Variants in AMOT observed in about 807,000 individuals in gnomAD.
The protein encoded by AMOT is angiomotin.
A neutral mutation model predicts 67.0 loss-of-function variants in AMOT; 11 were observed. The observed-to-expected ratio is 0.16, with a 90% CI of 0.10 to 0.27. The LOEUF is 0.27. Ranked by LOEUF, AMOT falls within the 10% of genes least tolerant of loss-of-function variation. AMOT has a pLI of 1.00. For missense variants in AMOT, 753 were observed against 852.0 expected (o/e 0.88, Z 1.45); for synonymous variants, 326 against 321.4 (o/e 1.01, Z -0.15).
intron 11 of AMOT, 102 bp downstream of exon 11, chrX:112,782,438 G>A: frequency 9.2e-7 from 1 of 1,088,790 alleles, no homozygotes; most frequent in Non-Finnish European, 1.3e-6. Context: ...TGATGGTGGA[G>A]CGGGGAGGCT....
intron 8 of AMOT, among the ~76,000 whole-genome samples, chrX:112,796,937 A>G (rs1180493096): frequency 8.9e-6 from 1 of 111,958 alleles, no homozygotes; most frequent in East Asian, 2.8e-4. Flanking sequence ...CACCGCCACT[A>G]AAGAGTTATC....
chrX:112,823,606 A>G (rs1018567882), intron 3 of AMOT, among the ~76,000 whole-genome samples: 2 of 111,811 alleles, frequency 1.8e-5, no homozygotes, highest in African/African-American at 3.3e-5. Context: ...TTACCCCATA[A>G]CAGGATTTGT....
At position 112,815,584 on chromosome X, in the gene AMOT, T is replaced by C; in HGVS notation, c.1166A>G (p.His389Arg). ...CTGCTGCTGCTGTTGTTGGTGGTGA[T>C]GGTGATGATGGTGCTGCTGCTGCTG... Reference protein sequence around the residue: ...QQQQQQHHHHHHHQQQQQQQP... With the variant: ...QQQQQQHHHHRHHQQQQQQQP... The change falls in exon 5 of 14, where the codon CAT becomes CGT. Residue 389 changes from histidine to arginine, a missense_variant. Coordinates refer to ENST00000371959, the MANE Select transcript of AMOT (RefSeq NM_001113490.2). 2 of 1,209,527 alleles carry C rather than the reference T, an allele frequency of 1.7e-6. No homozygotes were observed. The highest frequency in any genetic ancestry group is 3.5e-5 in the South Asian group (2 of 56,801).
intron 10 of AMOT, among the ~76,000 whole-genome samples, chrX:112,789,855 TTTTCTC>T (rs372068541): frequency 3.7e-5 from 4 of 109,388 alleles, no homozygotes; most frequent in Non-Finnish European, 5.7e-5. Flanking sequence ...TGTTGTTTCT[TTTTCTC>T]TTTCTCTTTC....
At chrX:112,834,619 A>C (rs1322659723) in intron 1 of AMOT, among the ~76,000 whole-genome samples, 1 of 112,587 alleles carries the variant, frequency 8.9e-6, no homozygotes, top group Non-Finnish European at 1.9e-5. Context: ...GCAAGCATAA[A>C]TATTCCATCA....
In AMOT at chrX:112,782,613, G is replaced by A. The variant is rs1360114441; in HGVS notation, c.2167C>T (p.Leu723=). 1 of 1,209,915 alleles carries A rather than the reference G, an allele frequency of 8.3e-7. No individual in the cohort carries two copies. Among genetic ancestry groups the A allele is most frequent in the Non-Finnish European group, 1.1e-6 (1 of 895,085 alleles). Residue 723 remains leucine (L), a synonymous_variant, in exon 11 of 14, where the codon CTA becomes TTA. Coordinates refer to ENST00000371959, the MANE Select transcript of AMOT (RefSeq NM_001113490.2). ...HSPNTSYDTA[L]EARIQKEEEE... ...TCCTCTTTCTGGATGCGAGCTTCTA[G>A]AGCTGTGTCATAGCTGGTGTTAGGA...
At position 112,822,415 on chromosome X, in the gene AMOT, G is replaced by A; in HGVS notation, c.712C>T (p.Pro238Ser). The A allele has an allele frequency of 8.6e-7, 1 of 1,167,778 alleles. No individual in the cohort carries two copies. The highest frequency in any genetic ancestry group is 1.1e-6 in the Non-Finnish European group (1 of 873,068). ...HSLKGMEHRG[P>S]PPEYPFKGMP... ...CCCTTGAAGGGATATTCTGGTGGGG[G>A]GCCTCGGTGTTCCATGCCCTTCAGG... Residue 238 changes from proline to serine, a missense_variant, in exon 4 of 14, where the codon CCC becomes TCC. By Grantham distance (74) the Pro-to-Ser change is moderately conservative (BLOSUM62 -1). Around this residue, in one of 5 missense-constraint regions of AMOT, gnomAD observed 297 missense variants for 284.3 expected, o/e 1.04. Coordinates refer to ENST00000371959, the MANE Select transcript of AMOT (RefSeq NM_001113490.2).
intron 2 of AMOT, among the ~76,000 whole-genome samples, chrX:112,828,680 G>A (rs192189850): frequency 7.2e-5 from 8 of 111,504 alleles, no homozygotes; most frequent in Middle Eastern, 4.7e-3. Flanking sequence ...TTCTTGTATA[G>A]ATGAAGATGC....
intron 1 of AMOT, among the ~76,000 whole-genome samples, chrX:112,832,757 T>C (rs1050022804): frequency 8.9e-6 from 1 of 112,078 alleles, no homozygotes. Context: ...AATTGAGAGC[T>C]CCCTGTTTCG....
chrX:112,831,763 A>C lies in AMOT; in HGVS notation c.-212+531T>G, dbSNP rs781717747. On this transcript the variant is annotated intron_variant, in intron 2 of 13. Transcript: ENST00000371959. ...TGGATGACAGCTAAGGTCATAAGAG[A>C]GGGCTGGACCATATTGACTAGGAAC... 2.7e-5 allele frequency among the ~76,000 whole-genome samples: 3 copies of C among 109,976 alleles called. No individual in the cohort carries two copies. The South Asian group carries it at 1.2e-3, about 44-fold the overall frequency.
intron 2 of AMOT, among the ~76,000 whole-genome samples, chrX:112,831,825 T>TG (rs1336299155): frequency 6.9e-5 from 6 of 86,933 alleles, no homozygotes; most frequent in South Asian, 4.7e-4. Flanking sequence ...CATGGACTTC[T>TG]GGGGAAAAAA....
At chrX:112,823,481 C>G (rs1934766254) in intron 3 of AMOT, among the ~76,000 whole-genome samples, 1 of 111,345 alleles carries the variant, frequency 9.0e-6, no homozygotes. Context: ...CTAGGGTAAT[C>G]AAAGGGGGTA....
At chrX:112,781,868 C>T (rs1433449333) in intron 11 of AMOT, among the ~76,000 whole-genome samples, 2 of 111,578 alleles carry the variant, frequency 1.8e-5, no homozygotes, top group African/African-American at 6.5e-5. Context: ...AGGTATCCTA[C>T]CTCCACTTTG....
At chrX:112,780,093 A>AC (rs1208412885) in intron 12 of AMOT, among the ~76,000 whole-genome samples, 1 of 111,346 alleles carries the variant, frequency 9.0e-6, no homozygotes, top group Non-Finnish European at 1.9e-5. Flanking sequence ...ATAAACCATT[A>AC]CCACACGTTA....
intron 1 of AMOT, among the ~76,000 whole-genome samples, chrX:112,838,535 C>T (rs772793609): frequency 6.3e-5 from 7 of 111,479 alleles, no homozygotes; most frequent in African/African-American, 9.8e-5. Context: ...GAGTCTGATG[C>T]AGTCTTTACA....
In AMOT at chrX:112,831,595, G is replaced by C. The variant is rs1934990090; in HGVS notation, c.-212+699C>G. On this transcript the variant is annotated intron_variant, in intron 2 of 13. Transcript: ENST00000371959. ...TAGCTCCGGCAACACATAGGGCTCT[G>C]CAAAAAACCCTGGGCTACCTGAAAA... Among the ~76,000 whole-genome samples the C allele has an allele frequency of 3.6e-5, 4 of 110,724 alleles. No individual in the cohort carries two copies. The South Asian group carries it at 1.5e-3, about 42-fold the overall frequency.
intron 5 of AMOT, 87 bp from the exon 6 acceptor site, chrX:112,811,480 CA>C: frequency 6.7e-6 from 7 of 1,042,025 alleles, no homozygotes; most frequent in Non-Finnish European, 9.2e-6. Context: ...TCCTCGCTGA[CA>C]GCTTCTCCCA....
chrX:112,835,141 T>C (rs1251634331), intron 1 of AMOT, among the ~76,000 whole-genome samples: 2 of 89,051 alleles, frequency 2.2e-5, no homozygotes, highest in Non-Finnish European at 4.4e-5. Flanking sequence ...GTGCCCAATA[T>C]GAAGCATGCC....
intron 1 of AMOT, among the ~76,000 whole-genome samples, chrX:112,834,384 TG>T (rs780325522): frequency 1.1e-3 from 121 of 111,501 alleles, no homozygotes; most frequent in South Asian, 1.9e-3. Context: ...AAGTTTGCTA[TG>T]GGGTATATAT....
Sources: allele counts gnomAD v4.1 joint callset (sites outside exome capture counted in the v4.1 genomes callset), GRCh38; gene constraint gnomAD v4.1.1; regional missense constraint gnomAD v4.1.1; transcripts MANE v1.5; gene names NCBI Gene and HGNC (gene_info 2026-07-23, HGNC 2026-07-21).